Variants in DYNC2H1 observed in about 807,000 individuals in gnomAD.
DYNC2H1 encodes the protein dynein cytoplasmic 2 heavy chain 1, also known as cytoplasmic dynein 2 heavy chain 1.
A neutral mutation model predicts 570.0 loss-of-function variants in DYNC2H1; 410 were observed. The ratio of observed to expected loss-of-function variants is 0.72; its 90% CI spans 0.66 to 0.78. DYNC2H1 has a LOEUF of 0.78. DYNC2H1 is among the 30% of genes least tolerant of loss of function. The pLI, the probability that DYNC2H1 is intolerant of heterozygous loss-of-function variation, is 0.00. For synonymous variants in DYNC2H1, 1,688 were observed against 1,677.6 expected, an observed-to-expected ratio of 1.01 and a Z score of -0.15; for missense variants, 4,865 against 5,046.4, an observed-to-expected ratio of 0.96 and a Z score of 1.09.
intron 83 of DYNC2H1, among the ~76,000 whole-genome samples, chr11:103,394,610 A>G (rs929311941): frequency 6.6e-6 from 1 of 151,990 alleles, no homozygotes; most frequent in African/African-American, 2.4e-5. Flanking sequence ...AAAGAGTTGA[A>G]AGATTATAGA....
chr11:103,125,415 A>G (rs568690547), intron 12 of DYNC2H1, 120 bp downstream of exon 12: 33 of 726,214 alleles, frequency 4.5e-5, no homozygotes, highest in Non-Finnish European at 6.5e-5. Context: ...GCCAGCTGTG[A>G]AATTATGTTT....
chr11:103,253,739 G>T (rs1278009271), intron 66 of DYNC2H1, among the ~76,000 whole-genome samples: 2 of 152,084 alleles, frequency 1.3e-5, no homozygotes, highest in African/African-American at 4.8e-5. Context: ...GGATCGTAAA[G>T]ATCATCTGCA....
At position 103,228,813 on chromosome 11, in the gene DYNC2H1, T is replaced by A. The variant is rs1242905232; in HGVS notation, c.9354-2447T>A. The stretch of plus-strand genomic sequence containing the variant: ...AGAGCTTTCAAGATATTATGACCTT[T>A]GTTTTTGGCTACCAGGGTGGGTAGA... On this transcript the variant is annotated intron_variant, in intron 59 of 88. Transcript: ENST00000375735. The surrounding 1 kb of genome is among the most constrained non-coding windows in gnomAD (Gnocchi z 6.1). 6.6e-6 allele frequency among the ~76,000 whole-genome samples: 1 copy of A among 152,112 alleles called. No individual in the cohort carries two copies.
At chr11:103,182,233 A>G (rs1041890419) in intron 40 of DYNC2H1, among the ~76,000 whole-genome samples, 1 of 150,594 alleles carries the variant, frequency 6.6e-6, no homozygotes, top group Non-Finnish European at 1.5e-5. Context: ...TATATGACAT[A>G]TGTATATATA....
At chr11:103,171,950 TTAA>T (rs1312188230) in intron 34 of DYNC2H1, among the ~76,000 whole-genome samples, 1 of 152,206 alleles carries the variant, frequency 6.6e-6, no homozygotes, top group Admixed American at 6.5e-5. Context: ...GAGATATACA[TTAA>T]TGTCACTAGA....
At chr11:103,208,023 G>A (rs1383588902) in intron 52 of DYNC2H1, among the ~76,000 whole-genome samples, 1 of 152,084 alleles carries the variant, frequency 6.6e-6, no homozygotes, top group South Asian at 2.1e-4. Flanking sequence ...TGTTGGAAGG[G>A]AGTAAGCTGG....
At chr11:103,283,853 G>T (rs1045893204) in intron 73 of DYNC2H1, among the ~76,000 whole-genome samples, 9 of 151,952 alleles carry the variant, frequency 5.9e-5, no homozygotes, top group Non-Finnish European at 1.0e-4. Flanking sequence ...AAAAAAGGGG[G>T]GGGAATTCTG....
chr11:103,478,565 G>A (rs919622615), intron 88 of DYNC2H1, among the ~76,000 whole-genome samples: 2 of 152,092 alleles, frequency 1.3e-5, no homozygotes, highest in Non-Finnish European at 2.9e-5. Flanking sequence ...CCATGGGAAC[G>A]TAACCCAAAA....
At chr11:103,425,584 G>A (rs1565589053) in intron 84 of DYNC2H1, among the ~76,000 whole-genome samples, 1 of 151,996 alleles carries the variant, frequency 6.6e-6, no homozygotes, top group Non-Finnish European at 1.5e-5. Context: ...CGTCTGAGGG[G>A]ACACAACATA....
chr11:103,156,799 CAT>C (rs1860852705), intron 26 of DYNC2H1, 29 bp downstream of exon 26: 2 of 1,575,086 alleles, frequency 1.3e-6, no homozygotes, highest in South Asian at 2.4e-5. Flanking sequence ...GACATAGACA[CAT>C]ATGGTATTTT....
chr11:103,310,208 A>G (rs573140262), intron 78 of DYNC2H1, among the ~76,000 whole-genome samples: 5 of 151,240 alleles, frequency 3.3e-5, no homozygotes, highest in Non-Finnish European at 7.4e-5. Context: ...TATTCTTTTC[A>G]TTTCACCGAA....
chr11:103,230,408 G>A (rs1272330611), intron 59 of DYNC2H1, among the ~76,000 whole-genome samples: 3 of 152,132 alleles, frequency 2.0e-5, no homozygotes, highest in African/African-American at 7.2e-5. Flanking sequence ...AGGATAAGGT[G>A]TCAGTCATTT....
intron 70 of DYNC2H1, among the ~76,000 whole-genome samples, chr11:103,270,391 A>G (rs1591502695): frequency 6.6e-6 from 1 of 152,048 alleles, no homozygotes; most frequent in East Asian, 1.9e-4. Flanking sequence ...TCCTATACAT[A>G]TCTATATCTA....
In DYNC2H1 at chr11:103,133,977, CA is replaced by C. The variant is rs1281157735; in HGVS notation, c.2106+272del. ...TTTTTCCAGGATACAATCTAGAATC[CA>C]ACTCTGCCCTTAGTTGTTGAGTCTC... is the stretch of plus-strand genomic sequence containing the variant. On this transcript the variant is annotated intron_variant, in intron 14 of 88. Coordinates refer to ENST00000375735, the MANE Select transcript of DYNC2H1 (RefSeq NM_001377.3). This position sits in a 1 kb window ranked among gnomAD's most constrained non-coding sequence, Gnocchi z 4.8. 6.6e-6 allele frequency among the ~76,000 whole-genome samples: 1 copy of C among 151,946 alleles called. No homozygotes were observed. The highest frequency in any genetic ancestry group is 1.9e-4 in the East Asian group (1 of 5,182).
In DYNC2H1 at chr11:103,153,512, T is replaced by C. The variant is rs1230476780; in HGVS notation, c.3302+4T>C. On this transcript the variant is annotated splice_donor_region_variant and intron_variant, in intron 22 of 88. Transcript: ENST00000375735. Reference sequence around the variant, plus strand: ...AAGTCACAAGAAAAAAGCTGGTGTATGTTTTTTCTTTAAAATTGATAGTGC... The same window carrying C: ...AAGTCACAAGAAAAAAGCTGGTGTACGTTTTTTCTTTAAAATTGATAGTGC... 1.3e-6 allele frequency: 2 copies of C among 1,549,716 alleles called. No homozygotes were observed. The highest frequency in any genetic ancestry group is 1.7e-6 in the Non-Finnish European group (2 of 1,150,936).
At position 103,203,612 on chromosome 11, in the gene DYNC2H1, A is replaced by T. The variant is rs777539039; in HGVS notation, c.8198-51A>T. On this transcript the variant is annotated intron_variant, in intron 50 of 88. Coordinates refer to ENST00000375735, the MANE Select transcript of DYNC2H1 (RefSeq NM_001377.3). The surrounding 1 kb of genome is among the most constrained non-coding windows in gnomAD (Gnocchi z 4.7). Reference sequence around the variant, plus strand: ...GCAGATTTTTAAATACAAAAATTGAAAAAGCATCATTTATTAAAATGTTTT... The same window carrying T: ...GCAGATTTTTAAATACAAAAATTGATAAAGCATCATTTATTAAAATGTTTT... 64 of 1,216,540 alleles carry T rather than the reference A, an allele frequency of 5.3e-5. No individual in the cohort carries two copies. The highest frequency in any genetic ancestry group is 7.0e-5 in the Non-Finnish European group (61 of 877,660). The allele number at this position is 1,216,540 out of a possible 1,614,324, so 75.4% of individuals were successfully genotyped here.
At chr11:103,400,268 A>G (rs1344060947) in intron 84 of DYNC2H1, among the ~76,000 whole-genome samples, 3 of 151,196 alleles carry the variant, frequency 2.0e-5, no homozygotes, top group Non-Finnish European at 4.4e-5. Flanking sequence ...GATTAAAACC[A>G]GTTGGCTCAT....
At position 103,157,138 on chromosome 11, in the gene DYNC2H1, T is replaced by C. The variant is rs2134899070; in HGVS notation, c.4127+368T>C. Among the ~76,000 whole-genome samples, 3 of 152,328 alleles carry C rather than the reference T, an allele frequency of 2.0e-5. 1 individual carries two copies. The South Asian group carries it at 6.2e-4, about 32-fold the overall frequency. On this transcript the variant is annotated intron_variant, in intron 26 of 88. Transcript: ENST00000375735. This position sits in a 1 kb window ranked among gnomAD's most constrained non-coding sequence, Gnocchi z 4.2. ...AAGTCTCTTCCATTGGCTTCTGTGA[T>C]TTCGTCCTCTCTTGGTTTTCTGACT...
At position 103,205,378 on chromosome 11, in the gene DYNC2H1, C is replaced by A. The variant is rs1862888123; in HGVS notation, c.8454+414C>A. On this transcript the variant is annotated intron_variant, in intron 52 of 88. Transcript: ENST00000375735. The surrounding 1 kb of genome is among the most constrained non-coding windows in gnomAD (Gnocchi z 4.5). ...TCATAACACTATCTTAACTGGAAGC[C>A]TCTTATTTTACCTCATTTGAATAAG... Among the ~76,000 whole-genome samples, 1 of 152,002 alleles carries A rather than the reference C, an allele frequency of 6.6e-6. No homozygotes were observed. Among genetic ancestry groups the A allele is most frequent in the African/African-American group, 2.4e-5 (1 of 41,398 alleles).
Sources: allele counts gnomAD v4.1 joint callset (sites outside exome capture counted in the v4.1 genomes callset), GRCh38; gene constraint gnomAD v4.1.1; non-coding constraint Gnocchi (gnomAD v3.1); transcripts MANE v1.5; gene names NCBI Gene and HGNC (gene_info 2026-07-23, HGNC 2026-07-21).